Variants in OCA2 observed in about 807,000 individuals in gnomAD.
OCA2 encodes the protein OCA2 melanosomal transmembrane protein.
OCA2 carries 77 observed loss-of-function variants against 100.2 expected under a neutral mutation model. The observed-to-expected ratio is 0.77, with a 90% CI of 0.64 to 0.93. The LOEUF (loss-of-function observed/expected upper bound fraction) is 0.93, where lower values mean the gene tolerates loss of function less well. Among genes scored for constraint, OCA2 ranks in the 40% least tolerant of loss-of-function variants. The pLI, the probability that OCA2 is intolerant of heterozygous loss-of-function variation, is 0.00. For synonymous variants in OCA2, 432 were observed against 439.2 expected, an observed-to-expected ratio of 0.98 and a Z score of 0.21; for missense variants, 1,062 against 1,089.1, an observed-to-expected ratio of 0.98 and a Z score of 0.35.
chr15:27,824,602 C>CTCTCTCTCTCTATATATATATATATATA lies in OCA2; in HGVS notation c.2432+20356_2432+20357insTATATATATATATATATAGAGAGAGAGA. 1.5e-3 allele frequency among the ~76,000 whole-genome samples: 71 copies of CTCTCTCTCTCTATATATATATATATATA among 47,562 alleles called. 2 individuals carry two copies. The highest frequency in any genetic ancestry group is 3.2e-3 in the African/African-American group (20 of 6,312). The allele number at this position is 47,562 out of a possible 152,430, so 31.2% of individuals were successfully genotyped here. Reference sequence around the variant, plus strand: ...TTTCTCTCTCTCTCTCTCTCTCTCTCTATATATATATATATATATAATATA... The same window carrying CTCTCTCTCTCTATATATATATATATATA: ...TTTCTCTCTCTCTCTCTCTCTCTCTCTCTCTCTCTCTATATATATATATATATATATATATATATATATATATAATATA... On this transcript the variant is annotated intron_variant, in intron 23 of 23. Coordinates refer to ENST00000354638, the MANE Select transcript of OCA2 (RefSeq NM_000275.3).
At chr15:27,831,306 A>AAAAAAAAAAAAAAC (rs398026675) in intron 23 of OCA2, among the ~76,000 whole-genome samples, 1 of 150,920 alleles carries the variant, frequency 6.6e-6, no homozygotes, top group Admixed American at 6.6e-5. Context: ...AAAAAAAAAA[A>AAAAAAAAAAAAAAC]TCGGTCTGAG....
downstream of OCA2, among the ~76,000 whole-genome samples, chr15:27,753,006 A>C (rs2150965653): frequency 6.6e-6 from 1 of 152,136 alleles, no homozygotes; most frequent in South Asian, 2.1e-4. Context: ...CTTCATTTAA[A>C]AATAAAACCA....
At chr15:27,786,156 C>A (rs2032805385) in intron 23 of OCA2, among the ~76,000 whole-genome samples, 1 of 152,088 alleles carries the variant, frequency 6.6e-6, no homozygotes, top group Admixed American at 6.6e-5. Flanking sequence ...TTGTAGTTGC[C>A]AGGAACACAT....
chr15:27,748,277 G>A, the OCA2 span, among the ~76,000 whole-genome samples: 1 of 152,186 alleles, frequency 6.6e-6, no homozygotes, highest in Non-Finnish European at 1.5e-5. Context: ...TACCTGGGCT[G>A]GGAAATGCTC....
chr15:27,916,984 C>T (rs927688689), intron 19 of OCA2, among the ~76,000 whole-genome samples: 6 of 152,062 alleles, frequency 3.9e-5, no homozygotes, highest in East Asian at 3.9e-4. Flanking sequence ...AGATGCAAAA[C>T]GAGAGATGAA....
At chr15:27,972,883 TGTGACAGAGTC>T (rs2040849611) in intron 14 of OCA2, among the ~76,000 whole-genome samples, 1 of 136,504 alleles carries the variant, frequency 7.3e-6, no homozygotes, top group African/African-American at 2.6e-5. Context: ...ATTTTATTTT[TGTGACAGAGTC>T]TCTCTTTCTC....
At chr15:27,744,628 G>T in the OCA2 span, among the ~76,000 whole-genome samples, 2 of 152,126 alleles carry the variant, frequency 1.3e-5, no homozygotes, top group Admixed American at 1.3e-4. Flanking sequence ...AGGATTACCC[G>T]GGCCCCATGT....
chr15:27,751,590 G>T (rs1453714271), downstream of OCA2, among the ~76,000 whole-genome samples: 1 of 152,216 alleles, frequency 6.6e-6, no homozygotes, highest in Non-Finnish European at 1.5e-5. Flanking sequence ...AGGCTGCAAG[G>T]TTTGAGGGGG....
intron 1 of OCA2, among the ~76,000 whole-genome samples, chr15:28,095,467 A>G (rs757904706): frequency 6.6e-6 from 1 of 152,242 alleles, no homozygotes; most frequent in Non-Finnish European, 1.5e-5. Flanking sequence ...CTGTAATCCC[A>G]GCAATTTGAA....
intron 19 of OCA2, among the ~76,000 whole-genome samples, chr15:27,913,895 G>GAAAGAAAGAAAGAAAGAAAGAA (rs1567098505): frequency 7.7e-5 from 3 of 38,996 alleles, no homozygotes; most frequent in African/African-American, 2.0e-4. Context: ...AAGAAAGAAA[G>GAAAGAAAGAAAGAAAGAAAGAA]CAAGCAAGCA....
chr15:27,928,930 AT>A (rs1285075557), intron 18 of OCA2, among the ~76,000 whole-genome samples: 2 of 152,198 alleles, frequency 1.3e-5, no homozygotes, highest in Non-Finnish European at 2.9e-5. Flanking sequence ...GTAATATAAC[AT>A]ATATGGCCAT....
chr15:27,915,376 A>C (rs1288037598), intron 19 of OCA2, among the ~76,000 whole-genome samples: 1 of 152,220 alleles, frequency 6.6e-6, no homozygotes, highest in Non-Finnish European at 1.5e-5. Flanking sequence ...TCATTAAACT[A>C]AGGAGCTTCT....
intron 23 of OCA2, among the ~76,000 whole-genome samples, chr15:27,796,316 G>A (rs1019338552): frequency 1.3e-5 from 2 of 152,250 alleles, no homozygotes; most frequent in Non-Finnish European, 2.9e-5. Flanking sequence ...GAGCAGTGAC[G>A]ACCCCAGTCT....
At chr15:27,839,249 T>A (rs894461537) in intron 23 of OCA2, among the ~76,000 whole-genome samples, 5 of 151,856 alleles carry the variant, frequency 3.3e-5, no homozygotes, top group Non-Finnish European at 5.9e-5. Flanking sequence ...AAAATACAAA[T>A]CTTTCAAATT....
chr15:28,079,679 C>G (rs1418859924), intron 2 of OCA2, among the ~76,000 whole-genome samples: 1 of 152,208 alleles, frequency 6.6e-6, no homozygotes, highest in Non-Finnish European at 1.5e-5. Flanking sequence ...CTCATGAGGG[C>G]TCATGCCTGT....
At chr15:28,034,996 G>A (rs536999062) in intron 2 of OCA2, among the ~76,000 whole-genome samples, 14 of 152,256 alleles carry the variant, frequency 9.2e-5, no homozygotes, top group Admixed American at 5.9e-4. Context: ...GAGTGGAGGC[G>A]CTATTGCTCC....
intron 3 of OCA2, among the ~76,000 whole-genome samples, 167 bp from the exon 4 acceptor site, chr15:28,028,226 G>C (rs2042814149): frequency 6.6e-6 from 1 of 152,148 alleles, no homozygotes; most frequent in Non-Finnish European, 1.5e-5. Flanking sequence ...GTTTTTTTGT[G>C]ACCTCTCAGA....
chr15:27,985,321 G>A (rs145348912), intron 12 of OCA2, 133 bp from the exon 13 acceptor site: 25 of 1,031,866 alleles, frequency 2.4e-5, no homozygotes, highest in East Asian at 5.2e-5. Context: ...ATAGACCCAC[G>A]GAGTCCTAGG....
chr15:27,781,716 A>T (rs1391706598), intron 23 of OCA2, among the ~76,000 whole-genome samples: 2 of 152,258 alleles, frequency 1.3e-5, no homozygotes, highest in Non-Finnish European at 2.9e-5. Context: ...TATGGTAAAT[A>T]CCAGAAAGTA....
Sources: gnomAD v4.1 joint callset for allele counts (sites outside exome capture counted in the v4.1 genomes callset) on GRCh38, gnomAD v4.1.1 for gene constraint, MANE v1.5 for transcripts, NCBI Gene and HGNC (gene_info 2026-07-23, HGNC 2026-07-21) for gene names.